Variants in GTF2B observed in about 807,000 individuals in gnomAD.
GTF2B encodes the protein transcription initiation factor IIB.
GTF2B carries 20 observed loss-of-function variants against 34.6 expected under a neutral mutation model. The ratio of observed to expected loss-of-function variants is 0.58; its 90% CI spans 0.41 to 0.84. The LOEUF (loss-of-function observed/expected upper bound fraction) is 0.84, where lower values mean the gene tolerates loss of function less well. GTF2B is among the 40% of genes least tolerant of loss of function. The pLI is 0.00. For synonymous variants in GTF2B, 142 were observed against 132.4 expected (o/e 1.07, Z -0.50); for missense variants, 237 against 393.3 (o/e 0.60, Z 3.36).
intron 2 of GTF2B, among the ~76,000 whole-genome samples, chr1:88,883,799 T>C (rs1231403470): frequency 6.6e-6 from 1 of 152,204 alleles, no homozygotes; most frequent in East Asian, 1.9e-4. Flanking sequence ...AATAATGTAA[T>C]AGGCTTTTTA....
intron 6 of GTF2B, among the ~76,000 whole-genome samples, chr1:88,854,095 A>G (rs1570714828): frequency 6.6e-6 from 1 of 152,182 alleles, no homozygotes; most frequent in African/African-American, 2.4e-5. Flanking sequence ...TGAGGATCAC[A>G]AAAGTACTCC....
At chr1:88,863,881 T>C in intron 3 of GTF2B, 100 bp downstream of exon 3, 1 of 980,738 alleles carries the variant, frequency 1.0e-6, no homozygotes. Flanking sequence ...CAGGTCAAGA[T>C]TCCCCACTGG....
Position 88,874,278 on chromosome 1 carries a change from C to T in GTF2B, c.125-10164G>A, listed in dbSNP as rs189826928. Among the ~76,000 whole-genome samples the T allele has an allele frequency of 4.0e-3, 612 of 151,982 alleles. 1 individual carries two copies. Among genetic ancestry groups the T allele is most frequent in the Admixed American group, 7.9e-3 (121 of 15,270 alleles). On this transcript the variant is annotated intron_variant, in intron 2 of 6. Coordinates refer to ENST00000370500, the MANE Select transcript of GTF2B (RefSeq NM_001514.6). ...TAGACTCTTAAGAGTGTTTTTGCTT[C>T]TTATTTCTTATTGCAATTTAATAAA... is the stretch of plus-strand genomic sequence containing the variant.
chr1:88,885,287 C>A (rs10157783), intron 2 of GTF2B, among the ~76,000 whole-genome samples: 123,745 of 143,380 alleles, frequency 0.86, 52,533 homozygotes, highest in South Asian at 0.94. Context: ...AAAAATACAA[C>A]AAGTTAGCCA....
chr1:88,868,734 T>C (rs1324068578), intron 2 of GTF2B, among the ~76,000 whole-genome samples: 1 of 85,934 alleles, frequency 1.2e-5, no homozygotes, highest in Non-Finnish European at 2.3e-5. Flanking sequence ...GCTGTATCTG[T>C]GTATTCTTTT....
At position 88,889,220 on chromosome 1, in the gene GTF2B, G is replaced by A. The variant is rs545600072; in HGVS notation, c.18-1853C>T. On this transcript the variant is annotated intron_variant, in intron 1 of 6. Coordinates refer to ENST00000370500, the MANE Select transcript of GTF2B (RefSeq NM_001514.6). Reference sequence around the variant, plus strand: ...GGAAAGGAGGAAGACTACTTTTCATGGTTTTAGTCTATTGCAATTTTGCTT... The same window carrying A: ...GGAAAGGAGGAAGACTACTTTTCATAGTTTTAGTCTATTGCAATTTTGCTT... 2.0e-5 allele frequency among the ~76,000 whole-genome samples: 3 copies of A among 152,240 alleles called. No homozygotes were observed. The South Asian group carries it at 6.2e-4, about 32-fold the overall frequency.
chr1:88,855,097 A>G (rs1035016474), intron 6 of GTF2B, among the ~76,000 whole-genome samples: 1 of 152,234 alleles, frequency 6.6e-6, no homozygotes, highest in African/African-American at 2.4e-5. Flanking sequence ...ATTAGAATAA[A>G]CTTTACAACT....
intron 6 of GTF2B, among the ~76,000 whole-genome samples, chr1:88,854,653 G>A (rs1412657449): frequency 6.6e-6 from 1 of 152,054 alleles, no homozygotes; most frequent in East Asian, 1.9e-4. Context: ...CTGCCACCAT[G>A]CCCAGCTAAT....
At chr1:88,856,285 A>AC (rs1673308937) in intron 6 of GTF2B, among the ~76,000 whole-genome samples, 1 of 106,220 alleles carries the variant, frequency 9.4e-6, no homozygotes, top group Non-Finnish European at 1.8e-5. Context: ...AAAAAAAAAA[A>AC]AAAAACAAAA....
In GTF2B at chr1:88,880,209, A is replaced by G. The variant is rs143236460; in HGVS notation, c.124+7052T>C. ...ATGGCAAGCATAATCAATCATGTAT[A>G]CCAAGATAATTTATTAGGAAACACT... is the stretch of plus-strand genomic sequence containing the variant. On this transcript the variant is annotated intron_variant, in intron 2 of 6. Transcript: ENST00000370500. Among the ~76,000 whole-genome samples, 89 of 152,374 alleles carry G rather than the reference A, an allele frequency of 5.8e-4. 1 individual carries two copies. Among genetic ancestry groups the G allele is most frequent in the African/African-American group, 1.9e-3 (80 of 41,596 alleles).
chr1:88,862,952 G>T (rs1217236610), intron 3 of GTF2B, among the ~76,000 whole-genome samples: 3 of 145,698 alleles, frequency 2.1e-5, no homozygotes, highest in Non-Finnish European at 4.5e-5. Context: ...TTTTAAACAA[G>T]ACTTTTTTGG....
chr1:88,874,882 T>G (rs927801440), intron 2 of GTF2B, among the ~76,000 whole-genome samples: 5 of 152,134 alleles, frequency 3.3e-5, no homozygotes, highest in Admixed American at 6.5e-5. Flanking sequence ...AACGTATTAT[T>G]ATTCAACGTG....
chr1:88,890,909 A>T (rs183911638), intron 1 of GTF2B, among the ~76,000 whole-genome samples: 353 of 152,128 alleles, frequency 2.3e-3, no homozygotes, highest in African/African-American at 7.8e-3. Context: ...TTTAGCAGGG[A>T]ACTAATCAAC....
intron 5 of GTF2B, among the ~76,000 whole-genome samples, chr1:88,857,701 G>A (rs865839070): frequency 1.4e-4 from 2 of 14,396 alleles, no homozygotes; most frequent in Non-Finnish European, 1.6e-4. Flanking sequence ...CTTTTTTTTT[G>A]AGATGAAGTC....
chr1:88,887,178 C>T (rs1165873646), intron 2 of GTF2B, 83 bp downstream of exon 2: 9 of 852,264 alleles, frequency 1.1e-5, no homozygotes, highest in African/African-American at 3.4e-5. Flanking sequence ...CTTGGCCTCC[C>T]GAAGTGCTGG....
chr1:88,872,736 T>C (rs1380513588), intron 2 of GTF2B, among the ~76,000 whole-genome samples: 1 of 152,174 alleles, frequency 6.6e-6, no homozygotes, highest in Non-Finnish European at 1.5e-5. Context: ...TCAGGTTTGT[T>C]CTCTGCTTTA....
intron 6 of GTF2B, among the ~76,000 whole-genome samples, chr1:88,854,098 A>G (rs892054735): frequency 1.1e-4 from 17 of 152,292 alleles, no homozygotes; most frequent in Admixed American, 2.0e-4. Flanking sequence ...GGATCACAAA[A>G]GTACTCCACA....
rs548340578 is a variant in GTF2B, at chr1:88,853,931, G to A, written c.818-585C>T. 3.9e-5 allele frequency among the ~76,000 whole-genome samples: 6 copies of A among 152,222 alleles called. No homozygotes were observed. The East Asian group carries it at 1.2e-3, about 29-fold the overall frequency. On this transcript the variant is annotated intron_variant, in intron 6 of 6. Transcript: ENST00000370500. ...CAAGCAACAATAAAAATGATTACTA[G>A]TACTTACTACCTTACAGGGTTGTCA...
intron 2 of GTF2B, among the ~76,000 whole-genome samples, chr1:88,868,127 G>A (rs59932178): frequency 0.083 from 12,615 of 152,266 alleles, 1,170 homozygotes; most frequent in African/African-American, 0.23. Flanking sequence ...AAATCTAAAT[G>A]GAGTAGTATT....
Sources: gnomAD v4.1 joint callset for allele counts (sites outside exome capture counted in the v4.1 genomes callset) on GRCh38, gnomAD v4.1.1 for gene constraint, MANE v1.5 for transcripts, NCBI Gene and HGNC (gene_info 2026-07-23, HGNC 2026-07-21) for gene names.